NEK10: variants seen among roughly 807,000 people sequenced by gnomAD.
NEK10 encodes the protein serine/threonine-protein kinase Nek10.
A neutral mutation model predicts 159.8 loss-of-function variants in NEK10; 122 were observed. The observed-to-expected ratio is 0.76, with a 90% confidence interval of 0.66 to 0.89. The LOEUF (loss-of-function observed/expected upper bound fraction) is 0.89. Among genes scored for constraint, NEK10 ranks in the 40% least tolerant of loss-of-function variants. The probability of loss-of-function intolerance (pLI) is 0.00; values close to 1 mark genes in which losing one functional copy is unlikely to be tolerated. For synonymous variants in NEK10, 466 were observed against 457.1 expected, an observed-to-expected ratio of 1.02 and a Z score of -0.25; for missense variants, 1,342 against 1,323.1, an observed-to-expected ratio of 1.01 and a Z score of -0.22.
intron 3 of NEK10, 106 bp from the exon 4 acceptor site, chr3:27,346,322 A>G (rs1411227218): frequency 1.7e-6 from 2 of 1,181,524 alleles, no homozygotes; most frequent in African/African-American, 3.0e-5. Flanking sequence ...TTTCCAGGCC[A>G]ATAATTAAGA....
chr3:27,153,761 A>G (rs930946782), intron 30 of NEK10, among the ~76,000 whole-genome samples: 2 of 152,174 alleles, frequency 1.3e-5, no homozygotes, highest in Non-Finnish European at 1.5e-5. Context: ...GAATTGAATG[A>G]CAATAATGAC....
At chr3:27,209,435 T>C (rs1950810278) in intron 23 of NEK10, among the ~76,000 whole-genome samples, 1 of 152,240 alleles carries the variant, frequency 6.6e-6, no homozygotes, top group Non-Finnish European at 1.5e-5. Flanking sequence ...CTTCTCTAAA[T>C]GCTTTCTATT....
chr3:27,263,586 G>A (rs148066231), intron 22 of NEK10, among the ~76,000 whole-genome samples: 5,578 of 152,244 alleles, frequency 0.037, 155 homozygotes, highest in African/African-American at 0.071. Context: ...AGCAATGAGC[G>A]AGGCTCCGTG....
At chr3:27,298,352 C>G (rs1441958544) in intron 13 of NEK10, among the ~76,000 whole-genome samples, 2 of 152,144 alleles carry the variant, frequency 1.3e-5, no homozygotes, top group African/African-American at 4.8e-5. Context: ...CTCTCTTTGC[C>G]TGCTGCCATC....
At chr3:27,295,570 T>C in intron 15 of NEK10, 43 bp downstream of exon 15, 1 of 1,534,182 alleles carries the variant, frequency 6.5e-7, no homozygotes, top group South Asian at 1.2e-5. Context: ...TTACCCAAGA[T>C]TTCAATAACT....
rs1165856327 is a variant in NEK10, at chr3:27,110,181, TA to T, written c.*1090del. 2 of 152,146 alleles carry T rather than the reference TA, an allele frequency of 1.3e-5. No homozygotes were observed. Among genetic ancestry groups the T allele is most frequent in the African/African-American group, 4.8e-5 (2 of 41,436 alleles). The allele number at this position is 152,146 out of a possible 1,614,324, so 9.4% of individuals were successfully genotyped here. A position where few individuals can be genotyped will look rare whatever the true frequency, so the allele number is the denominator to read the frequency against. On this transcript the variant is annotated 3_prime_UTR_variant, in exon 36 of 36. Transcript: ENST00000691995. ...CTAGAAGTGTAGACAGATTTCGCAA[TA>T]AGGGTATTTCTTGACATTACACCAG...
intron 23 of NEK10, among the ~76,000 whole-genome samples, chr3:27,231,872 G>T (rs2149212739): frequency 6.6e-6 from 1 of 151,732 alleles, no homozygotes; most frequent in African/African-American, 2.4e-5. Flanking sequence ...AAAAAGCCAG[G>T]ACAAGACAGA....
intron 7 of NEK10, among the ~76,000 whole-genome samples, chr3:27,313,867 A>T (rs1559485237): frequency 6.6e-6 from 1 of 152,028 alleles, no homozygotes; most frequent in Non-Finnish European, 1.5e-5. Flanking sequence ...ACCTGGCACC[A>T]TGCCTGGCTA....
intron 22 of NEK10, among the ~76,000 whole-genome samples, chr3:27,273,235 G>C (rs2041512757): frequency 6.6e-6 from 1 of 152,118 alleles, no homozygotes; most frequent in South Asian, 2.1e-4. Flanking sequence ...TCTCATAATT[G>C]CCCAAATTAA....
intron 5 of NEK10, among the ~76,000 whole-genome samples, chr3:27,322,626 ATACAT>A (rs2045729351): frequency 6.6e-6 from 1 of 152,374 alleles, no homozygotes. Context: ...TGAAAAAATA[ATACAT>A]TACATCAAAA....
At chr3:27,255,513 T>A (rs1333590799) in intron 23 of NEK10, among the ~76,000 whole-genome samples, 1 of 148,710 alleles carries the variant, frequency 6.7e-6, no homozygotes, top group Non-Finnish European at 1.5e-5. Context: ...TAAAAAAAAA[T>A]AAAAGTGTCT....
intron 23 of NEK10, among the ~76,000 whole-genome samples, chr3:27,246,386 G>T (rs1955066116): frequency 6.6e-6 from 1 of 152,000 alleles, no homozygotes; most frequent in Non-Finnish European, 1.5e-5. Flanking sequence ...TCATCCTCAA[G>T]TAAATTTAGA....
intron 26 of NEK10, among the ~76,000 whole-genome samples, chr3:27,190,745 T>C (rs373395331): frequency 6.6e-5 from 10 of 152,220 alleles, no homozygotes; most frequent in Non-Finnish European, 1.0e-4. Context: ...CTAAATCTCT[T>C]GCATTTTAGT....
chr3:27,108,540 T>G lies in NEK10; in HGVS notation c.*2732A>C, dbSNP rs1383024968. 6.6e-6 allele frequency among the ~76,000 whole-genome samples: 1 copy of G among 152,252 alleles called. No homozygotes were observed. Among genetic ancestry groups the G allele is most frequent in the Non-Finnish European group, 1.5e-5 (1 of 68,042 alleles). ...GAGCATTTGTGTTTCAAAAGTAATC[T>G]GAAAAGACTGATTCATATTCTATTC... On this transcript the variant is annotated 3_prime_UTR_variant, in exon 36 of 36. Transcript: ENST00000691995.
In NEK10 at chr3:27,291,542, T is replaced by A. The variant is rs768059523; in HGVS notation, c.1418A>T (p.His473Leu). Residue 473 changes from histidine to leucine, a missense_variant, in exon 17 of 36, where the codon CAT (histidine) becomes CTT (leucine). Coordinates refer to ENST00000691995, the MANE Select transcript of NEK10 (RefSeq NM_001394966.1). ...ATAAGCACTGATATCACGTACATAATGCCCTATGTCAATGAAGATCTCAAA... is the reference window on the plus strand; with the variant it reads ...ATAAGCACTGATATCACGTACATAAAGCCCTATGTCAATGAAGATCTCAAA... ...DLFEIFIDIG[H>L]YVRDISAYEE... The A allele has an allele frequency of 1.2e-6, 2 of 1,610,020 alleles. No individual in the cohort carries two copies. Among genetic ancestry groups the A allele is most frequent in the Non-Finnish European group, 1.7e-6 (2 of 1,176,366 alleles).
intron 23 of NEK10, among the ~76,000 whole-genome samples, chr3:27,208,061 T>C (rs956128300): frequency 6.6e-6 from 1 of 152,158 alleles, no homozygotes; most frequent in Non-Finnish European, 1.5e-5. Flanking sequence ...TGTGTGTTTG[T>C]ATGTGTATGT....
intron 29 of NEK10, among the ~76,000 whole-genome samples, chr3:27,163,538 G>C (rs1946215601): frequency 6.6e-6 from 1 of 151,920 alleles, no homozygotes; most frequent in Non-Finnish European, 1.5e-5. Flanking sequence ...ATTTTTAGTA[G>C]AGACAGTGTT....
At chr3:27,355,909 G>T (rs1044868963) in intron 1 of NEK10, among the ~76,000 whole-genome samples, 18 of 152,150 alleles carry the variant, frequency 1.2e-4, no homozygotes, top group Admixed American at 1.0e-3. Flanking sequence ...GCTATGGTTT[G>T]AATGTCTATC....
chr3:27,174,759 G>A lies in NEK10; in HGVS notation c.2580C>T (p.Ser860=), dbSNP rs766694769. ...AASLKSELSE[S]ADLPPEGFQA... is the part of the protein sequence containing the mutation. ...GGAAGCCTTCAGGGGGCAGGTCTGC[G>A]CTTTCTGAAAGTTCACTTTTCAGGC... The change falls in exon 27 of 36, where the codon AGC becomes AGT. Residue 860 remains serine, a synonymous_variant. Transcript: ENST00000691995. 3.9e-5 allele frequency: 63 copies of A among 1,612,840 alleles called. 3 individuals carry two copies. In the South Asian group the frequency reaches 5.3e-4, roughly 14 times the overall value.
Sources: gnomAD v4.1 joint callset for allele counts (sites outside exome capture counted in the v4.1 genomes callset) on GRCh38, gnomAD v4.1.1 for gene constraint, MANE v1.5 for transcripts, NCBI Gene and HGNC (gene_info 2026-07-23, HGNC 2026-07-21) for gene names.